Variants in NCAM2 observed in about 807,000 individuals in gnomAD.
NCAM2 encodes the protein N-CAM-2.
NCAM2 carries 30 observed loss-of-function variants against 98.1 expected under a neutral mutation model. That is an observed-to-expected ratio of 0.31 (90% CI 0.23 to 0.41). NCAM2 has a LOEUF of 0.41. Among genes scored for constraint, NCAM2 ranks in the 10% least tolerant of loss-of-function variants. The pLI, the probability that NCAM2 is intolerant of heterozygous loss-of-function variation, is 1.00. For synonymous variants in NCAM2, 368 were observed against 342.4 expected (o/e 1.07, Z -0.83); for missense variants, 867 against 1,005.8 (o/e 0.86, Z 1.87).
chr21:21,255,162 C>G lies in NCAM2; in HGVS notation c.56-25416C>G, dbSNP rs539420232. On this transcript the variant is annotated intron_variant, in intron 1 of 17. Transcript: ENST00000400546. ...TTTGAAGGTTGGGATCGTAGTAGCCCTTTATGTCTTGTAGGACTGTCTGTG... is the reference window on the plus strand; with the variant it reads ...TTTGAAGGTTGGGATCGTAGTAGCCGTTTATGTCTTGTAGGACTGTCTGTG... Among the ~76,000 whole-genome samples, 64 of 152,108 alleles carry G rather than the reference C, an allele frequency of 4.2e-4. No individual in the cohort carries two copies. The South Asian group carries it at 0.013, about 31-fold the overall frequency.
At chr21:21,195,932 G>T (rs1471102468) in intron 1 of NCAM2, among the ~76,000 whole-genome samples, 1 of 152,196 alleles carries the variant, frequency 6.6e-6, no homozygotes, top group East Asian at 1.9e-4. Flanking sequence ...AATGAGGATG[G>T]AGAGGTAGTT....
intron 1 of NCAM2, among the ~76,000 whole-genome samples, chr21:21,001,264 A>G (rs1294178666): frequency 2.0e-5 from 3 of 152,328 alleles, no homozygotes; most frequent in Non-Finnish European, 2.9e-5. Context: ...GTAACTCTCA[A>G]TACAACCTTA....
Position 21,342,833 on chromosome 21 carries a change from A to G in NCAM2, c.1044+4299A>G, listed in dbSNP as rs559302800. ...CTACAATTTATCTCAAAATATTCCC[A>G]TGACTTAAGTCCAATCATTTTCCCA... On this transcript the variant is annotated intron_variant, in intron 8 of 17. Transcript: ENST00000400546. Among the ~76,000 whole-genome samples, 5 of 152,288 alleles carry G rather than the reference A, an allele frequency of 3.3e-5. No individual in the cohort carries two copies. In the South Asian group the frequency reaches 8.3e-4, roughly 25 times the overall value.
intron 1 of NCAM2, among the ~76,000 whole-genome samples, chr21:21,277,204 C>T (rs1344177504): frequency 6.6e-6 from 1 of 152,058 alleles, no homozygotes; most frequent in Non-Finnish European, 1.5e-5. Context: ...ATAACTAGCA[C>T]ATGATAAGCT....
chr21:21,273,415 A>G (rs2072605779), intron 1 of NCAM2, among the ~76,000 whole-genome samples: 1 of 152,160 alleles, frequency 6.6e-6, no homozygotes, highest in Admixed American at 6.5e-5. Flanking sequence ...ATACTATACT[A>G]TATACTATCC....
rs533943482 is a variant in NCAM2, at chr21:21,178,759, A to G, written c.56-101819A>G. Reference sequence around the variant, plus strand: ...AGTAGAAATCACTTAAAAGTATCATAATTACATTTTTAAAATAATATATTT... The same window carrying G: ...AGTAGAAATCACTTAAAAGTATCATGATTACATTTTTAAAATAATATATTT... On this transcript the variant is annotated intron_variant, in intron 1 of 17. Transcript: ENST00000400546. Among the ~76,000 whole-genome samples the G allele has an allele frequency of 4.1e-4, 62 of 151,992 alleles. 1 individual carries two copies. In the South Asian group the frequency reaches 0.013, roughly 31 times the overall value.
intron 1 of NCAM2, among the ~76,000 whole-genome samples, chr21:21,177,883 A>G (rs1315950596): frequency 6.6e-6 from 1 of 151,910 alleles, no homozygotes; most frequent in Non-Finnish European, 1.5e-5. Flanking sequence ...TGTTGTATTG[A>G]CCATAACTGC....
chr21:21,265,891 C>T (rs939165672), intron 1 of NCAM2, among the ~76,000 whole-genome samples: 1 of 152,018 alleles, frequency 6.6e-6, no homozygotes, highest in Non-Finnish European at 1.5e-5. Flanking sequence ...CACATGTACC[C>T]CTGAATCTAT....
intron 11 of NCAM2, among the ~76,000 whole-genome samples, chr21:21,424,455 AAATG>A (rs1282405268): frequency 6.6e-6 from 1 of 152,182 alleles, no homozygotes; most frequent in Non-Finnish European, 1.5e-5. Flanking sequence ...GGGAGAACAA[AAATG>A]AATTCTGATT....
At chr21:21,483,258 T>A (rs1986054418) in intron 15 of NCAM2, among the ~76,000 whole-genome samples, 1 of 152,056 alleles carries the variant, frequency 6.6e-6, no homozygotes, top group Non-Finnish European at 1.5e-5. Context: ...TTGATGACAA[T>A]AATTCTGTTC....
chr21:21,039,154 T>C (rs1484166488), intron 1 of NCAM2, among the ~76,000 whole-genome samples: 3 of 152,148 alleles, frequency 2.0e-5, no homozygotes, highest in African/African-American at 7.2e-5. Flanking sequence ...TCTAACTATA[T>C]GTTTGCACCC....
At chr21:21,009,883 CTGTGTGTGTGTGTGTGTGTGTG>C (rs5842868) in intron 1 of NCAM2, among the ~76,000 whole-genome samples, 18 of 139,670 alleles carry the variant, frequency 1.3e-4, no homozygotes, top group Non-Finnish European at 1.5e-5. Flanking sequence ...CCTCTGATAG[CTGTGTGTGTGTGTGTGTGTGTG>C]TGTGTGTGTG....
chr21:21,452,423 A>G (rs1393378975), intron 12 of NCAM2, among the ~76,000 whole-genome samples: 4 of 145,326 alleles, frequency 2.8e-5, no homozygotes, highest in South Asian at 2.1e-4. Flanking sequence ...AAGTAATACA[A>G]TGTCTTCATG....
chr21:21,049,827 C>T lies in NCAM2; in HGVS notation c.55+51209C>T, dbSNP rs544252187. Among the ~76,000 whole-genome samples, 30 of 151,496 alleles carry T rather than the reference C, an allele frequency of 2.0e-4. No homozygotes were observed. In the South Asian group the frequency reaches 2.3e-3, roughly 12 times the overall value. On this transcript the variant is annotated intron_variant, in intron 1 of 17. Coordinates refer to ENST00000400546, the MANE Select transcript of NCAM2 (RefSeq NM_004540.5). Reference sequence around the variant, plus strand: ...CGGAGGTTGCAGTGAGCCAAGATTGCGCCATTGCACTCCAGCCTGGGCAAA... The same window carrying T: ...CGGAGGTTGCAGTGAGCCAAGATTGTGCCATTGCACTCCAGCCTGGGCAAA...
At chr21:21,055,705 C>A (rs2065196257) in intron 1 of NCAM2, among the ~76,000 whole-genome samples, 1 of 152,056 alleles carries the variant, frequency 6.6e-6, no homozygotes, top group Non-Finnish European at 1.5e-5. Flanking sequence ...CTCAGGGACA[C>A]CCCACTTGAG....
intron 1 of NCAM2, among the ~76,000 whole-genome samples, chr21:21,085,201 G>GGT (rs2065884560): frequency 6.8e-6 from 1 of 147,926 alleles, no homozygotes; most frequent in Admixed American, 6.7e-5. Context: ...TCTAGTTGGG[G>GGT]TTTTTTTTTT....
chr21:21,351,103 G>A (rs1219279983), intron 8 of NCAM2, among the ~76,000 whole-genome samples: 2 of 117,054 alleles, frequency 1.7e-5, no homozygotes, highest in African/African-American at 6.9e-5. Context: ...GACAGAGAGA[G>A]CGAGACTCTG....
intron 1 of NCAM2, among the ~76,000 whole-genome samples, chr21:21,176,620 GGGAGA>G (rs1167290238): frequency 6.6e-6 from 1 of 151,872 alleles, no homozygotes; most frequent in Non-Finnish European, 1.5e-5. Flanking sequence ...AATATTTTGA[GGGAGA>G]AATTAATAAC....
At chr21:21,202,223 C>A (rs1052211209) in intron 1 of NCAM2, among the ~76,000 whole-genome samples, 3 of 151,936 alleles carry the variant, frequency 2.0e-5, no homozygotes, top group Admixed American at 6.6e-5. Flanking sequence ...TTCAGTTTAC[C>A]ACCATATAAA....
Sources: gnomAD v4.1 joint callset for allele counts (sites outside exome capture counted in the v4.1 genomes callset) on GRCh38, gnomAD v4.1.1 for gene constraint, MANE v1.5 for transcripts, NCBI Gene and HGNC (gene_info 2026-07-23, HGNC 2026-07-21) for gene names.